The following SNX14 variants were observed in gnomAD, a reference collection of about 807,000 sequenced individuals.
SNX14 encodes sorting nexin 14.
SNX14 carries 93 observed loss-of-function variants against 133.8 expected under a neutral mutation model. The observed-to-expected ratio is 0.70, with a 90% CI of 0.59 to 0.83. The LOEUF (loss-of-function observed/expected upper bound fraction) is 0.83. Ranked by LOEUF, SNX14 falls within the 40% of genes least tolerant of loss-of-function variation. The pLI is 0.00. For missense variants in SNX14, 945 were observed against 1,094.9 expected (o/e 0.86, Z 1.93); for synonymous variants, 368 against 365.6 (o/e 1.01, Z -0.07).
At chr6:85,566,748 T>C (rs73481386) in intron 5 of SNX14, among the ~76,000 whole-genome samples, 1,919 of 151,904 alleles carry the variant, frequency 0.013, 36 homozygotes, top group African/African-American at 0.044. Context: ...TGAATCAATA[T>C]AAAATCAGGG....
intron 4 of SNX14, among the ~76,000 whole-genome samples, chr6:85,568,970 T>C (rs960672741): frequency 1.3e-5 from 2 of 151,842 alleles, no homozygotes; most frequent in African/African-American, 4.8e-5. Context: ...TCTTTTCTTT[T>C]TTTTTTTTTT....
intron 21 of SNX14, among the ~76,000 whole-genome samples, chr6:85,524,318 T>G (rs367709586): frequency 3.3e-5 from 5 of 152,286 alleles, no homozygotes; most frequent in African/African-American, 1.2e-4. Context: ...CCTATATTTA[T>G]GTGTATAGAG....
chr6:85,517,216 G>A (rs762447665), intron 23 of SNX14, among the ~76,000 whole-genome samples: 3 of 152,260 alleles, frequency 2.0e-5, no homozygotes, highest in East Asian at 3.9e-4. Context: ...ACCATTCAGA[G>A]TATTAACAAA....
intron 23 of SNX14, among the ~76,000 whole-genome samples, chr6:85,515,918 T>C (rs1331485401): frequency 6.6e-6 from 1 of 152,198 alleles, no homozygotes; most frequent in Non-Finnish European, 1.5e-5. Flanking sequence ...TAAAGAGATA[T>C]ACAGTTTATT....
rs774798043 is a variant in SNX14, at chr6:85,565,326, A to G, written c.549+6T>C. 1 of 1,551,372 alleles carries G rather than the reference A, an allele frequency of 6.4e-7. No homozygotes were observed. The stretch of plus-strand genomic sequence containing the variant: ...AATTCCCAAATTTCTCATTAAAAAT[A>G]TATACCTTGTGAATCCTTCTTATTA... On this transcript the variant is annotated splice_donor_region_variant and intron_variant, in intron 6 of 28. Transcript: ENST00000314673.
At chr6:85,581,731 T>C (rs147564857) in intron 1 of SNX14, 1 of 152,302 alleles carries the variant, frequency 6.6e-6, no homozygotes, top group East Asian at 1.9e-4. Flanking sequence ...TAGAGTCTCT[T>C]AATAGTAGAA....
intron 4 of SNX14, among the ~76,000 whole-genome samples, chr6:85,569,944 C>G (rs1188222520): frequency 6.6e-6 from 1 of 152,200 alleles, no homozygotes; most frequent in Non-Finnish European, 1.5e-5. Context: ...TTTCAAGCCT[C>G]TCTTTCCTTT....
rs1315611592 is a variant in SNX14, at chr6:85,513,667, T to C, written c.2653+133A>G. ...AAGAATTATTTAACTAGTGTGTTAATTTTAACTGATCTTTGCAACTATTTG... is the reference window on the plus strand; with the variant it reads ...AAGAATTATTTAACTAGTGTGTTAACTTTAACTGATCTTTGCAACTATTTG... On this transcript the variant is annotated intron_variant, in intron 26 of 28. Transcript: ENST00000314673. The C allele has an allele frequency of 9.2e-6, 6 of 654,892 alleles. No individual in the cohort carries two copies. The African/African-American group carries it at 1.1e-4, about 12-fold the overall frequency. The allele number at this position is 654,892 out of a possible 1,614,324, so 40.6% of individuals were successfully genotyped here.
At chr6:85,530,789 CT>C (rs1277953573) in intron 18 of SNX14, among the ~76,000 whole-genome samples, 1 of 152,086 alleles carries the variant, frequency 6.6e-6, no homozygotes, top group African/African-American at 2.4e-5. Flanking sequence ...TAAATTTCAT[CT>C]ATTTATGAAG....
intron 6 of SNX14, among the ~76,000 whole-genome samples, chr6:85,559,053 A>G (rs2128139493): frequency 6.6e-6 from 1 of 152,294 alleles, no homozygotes; most frequent in African/African-American, 2.4e-5. Flanking sequence ...CCTTTATCAA[A>G]GGCATGAGAA....
At chr6:85,563,241 ATAT>A (rs1415005159) in intron 6 of SNX14, among the ~76,000 whole-genome samples, 2 of 152,060 alleles carry the variant, frequency 1.3e-5, no homozygotes, top group Admixed American at 1.3e-4. Flanking sequence ...AGTGGCAGAG[ATAT>A]TATATATTAA....
intron 7 of SNX14, 40 bp downstream of exon 7, chr6:85,557,936 A>C: frequency 8.0e-7 from 1 of 1,251,304 alleles, no homozygotes; most frequent in Non-Finnish European, 1.2e-6. Flanking sequence ...TTGGTGTATA[A>C]AAACAAAATT....
intron 21 of SNX14, among the ~76,000 whole-genome samples, chr6:85,519,642 G>A (rs183868175): frequency 5.9e-5 from 9 of 152,078 alleles, no homozygotes; most frequent in East Asian, 3.9e-4. Flanking sequence ...AGGCCGAGGC[G>A]GGCGGATCCC....
At chr6:85,537,948 T>A (rs935339249) in intron 16 of SNX14, among the ~76,000 whole-genome samples, 3 of 152,038 alleles carry the variant, frequency 2.0e-5, no homozygotes, top group African/African-American at 7.2e-5. Context: ...TAAAATAAAA[T>A]AAAGTCACGT....
chr6:85,564,742 C>T (rs1793151889), intron 6 of SNX14, among the ~76,000 whole-genome samples: 1 of 152,038 alleles, frequency 6.6e-6, no homozygotes, highest in Non-Finnish European at 1.5e-5. Flanking sequence ...GTAATCCTAG[C>T]ACTTTGGGAG....
chr6:85,588,974 A>G (rs1801935258), intron 1 of SNX14: 2 of 449,292 alleles, frequency 4.5e-6, no homozygotes, highest in Non-Finnish European at 4.5e-6. Context: ...GGGGTGAAAG[A>G]GGTAGAAGGG....
At chr6:85,575,051 G>C (rs1044052047) in intron 1 of SNX14, among the ~76,000 whole-genome samples, 1 of 152,216 alleles carries the variant, frequency 6.6e-6, no homozygotes, top group Non-Finnish European at 1.5e-5. Context: ...GACTGGAGAA[G>C]AGGCAGGGGA....
chr6:85,581,897 CAG>C (rs1198173877), intron 1 of SNX14: 11 of 151,978 alleles, frequency 7.2e-5, no homozygotes, highest in Non-Finnish European at 2.9e-5. Flanking sequence ...AAAGAGGAGG[CAG>C]AGAGACAGAT....
At chr6:85,564,957 C>G (rs1289651336) in intron 6 of SNX14, among the ~76,000 whole-genome samples, 1 of 151,212 alleles carries the variant, frequency 6.6e-6, no homozygotes, top group Admixed American at 6.6e-5. Context: ...CCACTGTACT[C>G]CAGCCTGGGC....
Sources: gnomAD v4.1 joint callset for allele counts (sites outside exome capture counted in the v4.1 genomes callset) on GRCh38, gnomAD v4.1.1 for gene constraint, MANE v1.5 for transcripts, NCBI Gene and HGNC (gene_info 2026-07-23, HGNC 2026-07-21) for gene names.